ATRNL1: variants seen among roughly 807,000 people sequenced by gnomAD.
ATRNL1 encodes attractin like 1, also known as attractin-like protein 1.
In ATRNL1, 95 loss-of-function variants were observed where a neutral mutation model predicts 182.7. The observed-to-expected ratio is 0.52, with a 90% CI of 0.44 to 0.62. The LOEUF (loss-of-function observed/expected upper bound fraction) is 0.62, where lower values mean the gene tolerates loss of function less well. Ranked by LOEUF, ATRNL1 falls within the 20% of genes least tolerant of loss-of-function variation. The pLI, the probability that ATRNL1 is intolerant of heterozygous loss-of-function variation, is 0.00. For synonymous variants in ATRNL1, 576 were observed against 568.3 expected, an observed-to-expected ratio of 1.01 and a Z score of -0.19; for missense variants, 1,471 against 1,679.5, an observed-to-expected ratio of 0.88 and a Z score of 2.17.
At chr10:115,367,503 CCTT>C (rs1469132015) in intron 19 of ATRNL1, among the ~76,000 whole-genome samples, 2 of 151,494 alleles carry the variant, frequency 1.3e-5, no homozygotes, top group African/African-American at 4.8e-5. Context: ...TCATCTGAAG[CCTT>C]CTTCTCTCAG....
chr10:115,664,548 C>G (rs1210619845), intron 26 of ATRNL1, among the ~76,000 whole-genome samples: 1 of 152,006 alleles, frequency 6.6e-6, no homozygotes, highest in East Asian at 1.9e-4. Flanking sequence ...AAGCATACCA[C>G]TTTGAAACAA....
At chr10:115,283,033 A>G (rs1347175187) in intron 14 of ATRNL1, among the ~76,000 whole-genome samples, 1 of 152,016 alleles carries the variant, frequency 6.6e-6, no homozygotes, top group Admixed American at 6.6e-5. Context: ...TCTAAAACAT[A>G]TTGGAAAATT....
intron 26 of ATRNL1, among the ~76,000 whole-genome samples, chr10:115,554,076 T>C (rs1280715862): frequency 4.6e-5 from 7 of 151,592 alleles, no homozygotes; most frequent in African/African-American, 7.2e-5. Context: ...TTCATAGCAC[T>C]TCAAAGTTCT....
At chr10:115,470,663 G>A (rs1554971951) in intron 24 of ATRNL1, among the ~76,000 whole-genome samples, 1 of 150,254 alleles carries the variant, frequency 6.7e-6, no homozygotes, top group Non-Finnish European at 1.5e-5. Context: ...ATACTTAATG[G>A]TTAGGAATTA....
chr10:115,449,945 A>G (rs782156273), intron 21 of ATRNL1, among the ~76,000 whole-genome samples: 2 of 152,140 alleles, frequency 1.3e-5, no homozygotes, highest in Non-Finnish European at 2.9e-5. Context: ...AAGCTAATAC[A>G]CCACAATCAA....
intron 28 of ATRNL1, among the ~76,000 whole-genome samples, chr10:115,864,839 A>G (rs1049540972): frequency 2.0e-5 from 3 of 152,048 alleles, no homozygotes; most frequent in East Asian, 1.9e-4. Flanking sequence ...AAAATTAGCC[A>G]GGCGTGGTGG....
chr10:115,898,884 AG>A (rs1358318513), intron 28 of ATRNL1, among the ~76,000 whole-genome samples: 1 of 152,162 alleles, frequency 6.6e-6, no homozygotes, highest in African/African-American at 2.4e-5. Context: ...GGCTGAGTGG[AG>A]GAAAACAGCA....
At chr10:115,775,771 A>G (rs1240192958) in intron 27 of ATRNL1, among the ~76,000 whole-genome samples, 5 of 143,500 alleles carry the variant, frequency 3.5e-5, no homozygotes, top group African/African-American at 1.0e-4. Flanking sequence ...CCTGGCCAAC[A>G]TGGTGAAACC....
Position 115,946,733 on chromosome 10 carries a change from C to T in ATRNL1, c.*1954C>T, listed in dbSNP as rs543235320. On this transcript the variant is annotated 3_prime_UTR_variant, in exon 29 of 29. Transcript: ENST00000355044. ...TAATTTTATTAGCTTCTTTTGGACC[C>T]TCTAAATATTGACTTCTCTCATGAA... 3.9e-5 allele frequency: 6 copies of T among 152,092 alleles called. No homozygotes were observed. The allele number at this position is 152,092 out of a possible 1,614,324, so 9.4% of individuals were successfully genotyped here. A position where few individuals can be genotyped will look rare whatever the true frequency, so the allele number is the denominator to read the frequency against.
intron 20 of ATRNL1, among the ~76,000 whole-genome samples, chr10:115,399,640 C>CTT (rs1225987445): frequency 1.3e-5 from 2 of 151,390 alleles, no homozygotes; most frequent in African/African-American, 2.4e-5. Flanking sequence ...ATCTTTTTAT[C>CTT]TTTTGTGTGT....
chr10:115,094,149 C>T (rs1554862543), intron 1 of ATRNL1, 106 bp downstream of exon 1: 1 of 1,154,808 alleles, frequency 8.7e-7, no homozygotes, highest in East Asian at 3.2e-5. Context: ...GCCTCTGATC[C>T]CCCGGCCGTG....
chr10:115,640,562 G>A (rs752088877), intron 26 of ATRNL1, among the ~76,000 whole-genome samples: 2 of 152,164 alleles, frequency 1.3e-5, no homozygotes, highest in African/African-American at 2.4e-5. Flanking sequence ...TTTGTTGGCC[G>A]CATAAATGTG....
chr10:115,245,404 C>T (rs1316753174), intron 10 of ATRNL1, among the ~76,000 whole-genome samples: 1 of 146,326 alleles, frequency 6.8e-6, no homozygotes, highest in African/African-American at 2.5e-5. Flanking sequence ...GAGGCTGAGG[C>T]AGGAGAATCG....
intron 27 of ATRNL1, among the ~76,000 whole-genome samples, chr10:115,774,805 C>CTA (rs1555077421): frequency 2.0e-5 from 3 of 151,670 alleles, no homozygotes; most frequent in Non-Finnish European, 1.5e-5. Flanking sequence ...TCAAGATTAG[C>CTA]TAGCACTTAT....
chr10:115,593,904 A>G (rs1211426398), intron 26 of ATRNL1, among the ~76,000 whole-genome samples: 27 of 152,076 alleles, frequency 1.8e-4, no homozygotes, highest in African/African-American at 2.4e-5. Flanking sequence ...GTAGTATACA[A>G]TTATTTTCTT....
In ATRNL1 at chr10:115,301,911, T is replaced by C; in HGVS notation, c.2686T>C (p.Cys896Arg). The change falls in exon 17 of 29, where the codon TGT becomes CGT. Residue 896 changes from cysteine to arginine, a missense_variant. This residue lies in a region of ATRNL1 where 1,031 missense variants were observed against 1,156.0 expected (regional missense o/e 0.89). Transcript: ENST00000355044. ...AAAGCCATGCTCTCTGAGGACATCA[T>C]GTTCCAACTGTACAAGCAATGGCAT... is the stretch of plus-strand genomic sequence containing the variant. ...CKKPCSLRTS[C>R]SNCTSNGMEC... 1 of 1,614,028 alleles carries C rather than the reference T, an allele frequency of 6.2e-7. No homozygotes were observed. Among genetic ancestry groups the C allele is most frequent in the Non-Finnish European group, 8.5e-7 (1 of 1,179,902 alleles).
chr10:115,426,345 C>A (rs782578512), intron 21 of ATRNL1, 43 bp downstream of exon 21: 2 of 1,400,670 alleles, frequency 1.4e-6, no homozygotes, highest in Non-Finnish European at 1.0e-6. Context: ...TTGGTGCATA[C>A]TATTAGTTTC....
intron 3 of ATRNL1, among the ~76,000 whole-genome samples, chr10:115,123,123 G>C (rs782032434): frequency 6.6e-6 from 1 of 152,150 alleles, no homozygotes; most frequent in Non-Finnish European, 1.5e-5. Context: ...TAGCAGGTGA[G>C]ATTTAGTATA....
intron 27 of ATRNL1, among the ~76,000 whole-genome samples, chr10:115,734,132 A>G (rs1947880610): frequency 6.6e-6 from 1 of 152,070 alleles, no homozygotes; most frequent in African/African-American, 2.4e-5. Context: ...TTCTAATTTC[A>G]CACTATTATA....
Sources: gnomAD v4.1 joint callset for allele counts (sites outside exome capture counted in the v4.1 genomes callset) on GRCh38, gnomAD v4.1.1 for gene constraint, gnomAD v4.1.1 regional missense constraint, MANE v1.5 for transcripts, NCBI Gene and HGNC (gene_info 2026-07-23, HGNC 2026-07-21) for gene names.